Variants in ZNF451 observed in about 807,000 individuals in gnomAD.
ZNF451 encodes zinc finger protein 451, also known as E3 SUMO-protein ligase ZNF451.
In ZNF451, 80 loss-of-function variants were observed where a neutral mutation model predicts 107.1. That is an observed-to-expected ratio of 0.75 (90% CI 0.62 to 0.90). ZNF451 has a LOEUF of 0.90. Ranked by LOEUF, ZNF451 falls within the 40% of genes least tolerant of loss-of-function variation. ZNF451 has a pLI of 0.00. For synonymous variants in ZNF451, 362 were observed against 406.5 expected (o/e 0.89, Z 1.32); for missense variants, 1,107 against 1,236.2 (o/e 0.90, Z 1.57).
intron 7 of ZNF451, among the ~76,000 whole-genome samples, chr6:57,137,654 C>T (rs559592925): frequency 6.6e-6 from 1 of 152,232 alleles, no homozygotes; most frequent in South Asian, 2.1e-4. Flanking sequence ...ATACTGTGAG[C>T]TCCTTTGTAC....
chr6:57,169,395 A>T lies in ZNF451; in HGVS notation c.*926A>T, dbSNP rs1764035091. On this transcript the variant is annotated 3_prime_UTR_variant, in exon 15 of 15. Coordinates refer to ENST00000370706, the MANE Select transcript of ZNF451 (RefSeq NM_001031623.3). ...TCCTTCATTTGGTATTACATATTTA[A>T]TTCTTAAATATTGAGGCCCCATTGT... The T allele has an allele frequency of 6.6e-6, 1 of 152,040 alleles. No homozygotes were observed. The highest frequency in any genetic ancestry group is 2.4e-5 in the African/African-American group (1 of 41,414). 9.4% of individuals were successfully genotyped at this position (152,040 alleles called of 1,614,324 possible).
At chr6:57,136,475 GGTAA>G (rs1371900229) in intron 7 of ZNF451, among the ~76,000 whole-genome samples, 1 of 151,988 alleles carries the variant, frequency 6.6e-6, no homozygotes, top group African/African-American at 2.4e-5. Flanking sequence ...GTTTGACTTA[GGTAA>G]TGGCATTCAG....
At chr6:57,132,479 G>C (rs770873746) in intron 5 of ZNF451, among the ~76,000 whole-genome samples, 1 of 152,148 alleles carries the variant, frequency 6.6e-6, no homozygotes, top group Non-Finnish European at 1.5e-5. Flanking sequence ...CAGCACTTTG[G>C]GAGGCCAAGG....
chr6:57,146,840 G>A (rs189001173), intron 9 of ZNF451, among the ~76,000 whole-genome samples: 13 of 152,178 alleles, frequency 8.5e-5, no homozygotes, highest in Non-Finnish European at 1.5e-5. Context: ...TCTAAAATTT[G>A]CCTGAATTTA....
At chr6:57,156,025 A>C (rs1338321839) in intron 13 of ZNF451, among the ~76,000 whole-genome samples, 4 of 151,758 alleles carry the variant, frequency 2.6e-5, no homozygotes, top group Non-Finnish European at 5.9e-5. Context: ...ACTTTTTTGG[A>C]GCCTCATTTT....
rs1764060864 is a variant in ZNF451 at position 57,169,997 on chromosome 6, CA to C, written c.*1531del. ...GCACCTTGTTGCCAGAGATTCTACACAAAGGTGTGATGGACACTGATGCTCT... is the reference window on the plus strand; with the variant it reads ...GCACCTTGTTGCCAGAGATTCTACACAAGGTGTGATGGACACTGATGCTCT... On this transcript the variant is annotated 3_prime_UTR_variant, in exon 15 of 15. Transcript: ENST00000370706. 1 of 152,096 alleles carries C rather than the reference CA, an allele frequency of 6.6e-6. No individual in the cohort carries two copies. Among genetic ancestry groups the C allele is most frequent in the African/African-American group, 2.4e-5 (1 of 41,402 alleles). The allele number at this position is 152,096 out of a possible 1,614,324, so 9.4% of individuals were successfully genotyped here.
chr6:57,121,683 A>G (rs926162364), intron 3 of ZNF451, among the ~76,000 whole-genome samples: 5 of 152,222 alleles, frequency 3.3e-5, no homozygotes, highest in Non-Finnish European at 7.3e-5. Flanking sequence ...CAAGGTGTGA[A>G]AGATCTCTAC....
intron 3 of ZNF451, among the ~76,000 whole-genome samples, chr6:57,118,977 G>A (rs1041850613): frequency 1.3e-5 from 2 of 152,168 alleles, no homozygotes; most frequent in Admixed American, 1.3e-4. Context: ...GTGAGCTGGG[G>A]TTACTTCTAT....
chr6:57,122,680 C>A (rs1385982118), intron 3 of ZNF451, among the ~76,000 whole-genome samples: 3 of 152,210 alleles, frequency 2.0e-5, no homozygotes, highest in African/African-American at 7.2e-5. Context: ...CAGATACCAT[C>A]TCACAGCAGT....
chr6:57,140,235 T>G (rs1831684430), intron 7 of ZNF451, among the ~76,000 whole-genome samples: 1 of 152,026 alleles, frequency 6.6e-6, no homozygotes, highest in Non-Finnish European at 1.5e-5. Context: ...TATGAATAAA[T>G]GCTCAAACTC....
intron 14 of ZNF451, among the ~76,000 whole-genome samples, chr6:57,167,376 G>A (rs1206419200): frequency 2.0e-5 from 3 of 152,070 alleles, no homozygotes; most frequent in African/African-American, 7.2e-5. Flanking sequence ...ATTAGTTACT[G>A]TAACTTTATA....
chr6:57,091,804 T>C (rs1289906178), intron 2 of ZNF451, among the ~76,000 whole-genome samples: 1 of 152,240 alleles, frequency 6.6e-6, no homozygotes, highest in East Asian at 1.9e-4. Context: ...TGTGCATTTA[T>C]GGTGGATGCT....
At chr6:57,165,886 T>TAA (rs1325430015) in intron 14 of ZNF451, 1 of 152,216 alleles carries the variant, frequency 6.6e-6, no homozygotes, top group Non-Finnish European at 1.5e-5. Context: ...TATACCTGTA[T>TAA]AAGGTACTTA....
At chr6:57,157,286 G>T (rs1430584166) in intron 13 of ZNF451, among the ~76,000 whole-genome samples, 1 of 152,074 alleles carries the variant, frequency 6.6e-6, no homozygotes, top group East Asian at 1.9e-4. Flanking sequence ...TATCAGAATC[G>T]ATCATATGGT....
intron 3 of ZNF451, chr6:57,101,672 A>G (rs1275101084): frequency 4.5e-6 from 7 of 1,550,702 alleles, no homozygotes; most frequent in Non-Finnish European, 5.2e-6. Flanking sequence ...GATCGTGGAA[A>G]AGCAAGATGC....
At chr6:57,135,155 T>C (rs1831369897) in intron 7 of ZNF451, among the ~76,000 whole-genome samples, 1 of 152,178 alleles carries the variant, frequency 6.6e-6, no homozygotes, top group South Asian at 2.1e-4. Context: ...AGTGAGTCAC[T>C]TGATGAGAAC....
intron 2 of ZNF451, among the ~76,000 whole-genome samples, chr6:57,096,623 G>A (rs984400296): frequency 6.0e-5 from 9 of 150,838 alleles, no homozygotes; most frequent in African/African-American, 1.7e-4. Flanking sequence ...GTAGGGGGGC[G>A]CTTTTGTGTT....
chr6:57,096,767 C>CT (rs772840052), intron 2 of ZNF451, among the ~76,000 whole-genome samples: 6,465 of 79,950 alleles, frequency 0.081, 1,499 homozygotes, highest in Non-Finnish European at 0.11. Flanking sequence ...AATTTTCAGT[C>CT]TTTTTTTTTT....
At chr6:57,109,238 G>A (rs911775783) in intron 3 of ZNF451, 17 of 984,960 alleles carry the variant, frequency 1.7e-5, no homozygotes, top group East Asian at 1.1e-4. Context: ...TATGTTAATC[G>A]TATTGCTTGA....
Sources: gnomAD v4.1 joint callset for allele counts (sites outside exome capture counted in the v4.1 genomes callset) on GRCh38, gnomAD v4.1.1 for gene constraint, MANE v1.5 for transcripts, NCBI Gene and HGNC (gene_info 2026-07-23, HGNC 2026-07-21) for gene names.